Variants in SPEN observed in about 807,000 individuals in gnomAD.
SPEN encodes the protein msx2-interacting protein.
In SPEN, 18 loss-of-function variants were observed where a neutral mutation model predicts 269.9. That is an observed-to-expected ratio of 0.07 (90% CI 0.05 to 0.10). The LOEUF (loss-of-function observed/expected upper bound fraction) is 0.10, where lower values mean the gene tolerates loss of function less well. SPEN is among the 10% of genes least tolerant of loss of function. The pLI is 1.00. For synonymous variants in SPEN, 1,726 were observed against 1,765.7 expected, an observed-to-expected ratio of 0.98 and a Z score of 0.56; for missense variants, 3,822 against 4,631.2, an observed-to-expected ratio of 0.83 and a Z score of 5.07.
chr1:15,852,429 A>C (rs1266137467), intron 1 of SPEN, among the ~76,000 whole-genome samples: 1 of 152,210 alleles, frequency 6.6e-6, no homozygotes, highest in East Asian at 1.9e-4. Context: ...AATTACACAG[A>C]ATAATTATAA....
At chr1:15,923,741 C>T (rs952308888) in intron 10 of SPEN, among the ~76,000 whole-genome samples, 3 of 150,952 alleles carry the variant, frequency 2.0e-5, no homozygotes, top group Non-Finnish European at 4.4e-5. Flanking sequence ...GCGATATTGG[C>T]TTACTGCAAC....
chr1:15,905,915 T>A (rs767986606), intron 3 of SPEN, among the ~76,000 whole-genome samples: 1 of 152,204 alleles, frequency 6.6e-6, no homozygotes, highest in Non-Finnish European at 1.5e-5. Flanking sequence ...CTTTTGCTCG[T>A]GATTGTTTAC....
Position 15,934,886 on chromosome 1 carries a change from C to T in SPEN, c.8646C>T (p.Thr2882=). ...QAPAGYANVA[T]HSTLVLTAQT... ...CTGCAGGCTATGCGAACGTGGCCAC[C>T]CATTCCACGTTGGTACTGACCGCCC... Residue 2882 remains threonine, a synonymous_variant, in exon 11 of 15, where the codon ACC becomes ACT. Coordinates refer to ENST00000375759, the MANE Select transcript of SPEN (RefSeq NM_015001.3). The surrounding 1 kb of genome is among the most constrained non-coding windows in gnomAD (Gnocchi z 9.2). 1 of 1,614,170 alleles carries T rather than the reference C, an allele frequency of 6.2e-7. No homozygotes were observed. The highest frequency in any genetic ancestry group is 1.1e-5 in the South Asian group (1 of 91,088).
Position 15,933,269 on chromosome 1 carries a change from C to A in SPEN, c.7029C>A (p.Asn2343Lys), listed in dbSNP as rs771705365. The change falls in exon 11 of 15, where the codon AAC becomes AAA. Residue 2343 changes from asparagine (N) to lysine (K), a missense_variant. Asn to Lys is a moderately conservative substitution (Grantham distance 94). Transcript: ENST00000375759. This position sits in a 1 kb window ranked among gnomAD's most constrained non-coding sequence, Gnocchi z 5.7. The stretch of plus-strand genomic sequence containing the variant: ...CAACCCGATCACGCCGCAAGCGAAA[C>A]ACAAACAAGAAAGTGGTGGCTCCTG... ...QKTTRSRRKR[N>K]TNKKVVAPVE... 2.5e-6 allele frequency: 4 copies of A among 1,614,154 alleles called. No individual in the cohort carries two copies. The South Asian group carries it at 4.4e-5, about 18-fold the overall frequency.
intron 1 of SPEN, among the ~76,000 whole-genome samples, chr1:15,852,491 T>C (rs1293998189): frequency 6.6e-6 from 1 of 152,020 alleles, no homozygotes; most frequent in African/African-American, 2.4e-5. Context: ...TACAAAATAA[T>C]AAAAAATAAT....
chr1:15,930,493 G>A lies in SPEN; in HGVS notation c.4253G>A (p.Arg1418Gln), dbSNP rs938826668. 5 of 1,614,192 alleles carry A rather than the reference G, an allele frequency of 3.1e-6. No individual in the cohort carries two copies. Among genetic ancestry groups the A allele is most frequent in the Non-Finnish European group, 4.2e-6 (5 of 1,180,038 alleles). ...GACAGAGAAGACAAGCTACGTGAGC[G>A]AGATGAAAGACTCTCTAGTTCTTTA... ...LRDREDKLRE[R>Q]DERLSSSLER... The change falls in exon 11 of 15, where the codon CGA (arginine) becomes CAA (glutamine). Residue 1418 changes from arginine (R) to glutamine (Q), a missense_variant. Transcript: ENST00000375759. The surrounding 1 kb of genome is among the most constrained non-coding windows in gnomAD (Gnocchi z 5.3).
chr1:15,929,471 C>A lies in SPEN; in HGVS notation c.3231C>A (p.Gly1077=). The change falls in exon 11 of 15, where the codon GGC becomes GGA. Residue 1077 remains glycine (G), a synonymous_variant. Coordinates refer to ENST00000375759, the MANE Select transcript of SPEN (RefSeq NM_015001.3). The surrounding 1 kb of genome is among the most constrained non-coding windows in gnomAD (Gnocchi z 5.8). ...QELASISVGS[G]SRPSSDLQAR... is the part of the protein sequence containing the mutation. ...TTGCCAGTATTTCTGTTGGGTCTGG[C>A]TCAAGGCCCAGCTCAGACCTACAAG... is the stretch of plus-strand genomic sequence containing the variant. 1.9e-6 allele frequency: 3 copies of A among 1,613,458 alleles called. 1 individual carries two copies. In the South Asian group the frequency reaches 3.3e-5, roughly 18 times the overall value.
rs1201396166 is a variant in SPEN, at chr1:15,937,549, G to A, written c.10413G>A (p.Leu3471=). The change falls in exon 12 of 15, where the codon CTG becomes CTA. Residue 3471 remains leucine, a synonymous_variant. Transcript: ENST00000375759. This position sits in a 1 kb window ranked among gnomAD's most constrained non-coding sequence, Gnocchi z 5.7. ...CTGGCCCCAGCACCCCACCAGGACT[G>A]GTTCTGCCACACACTGAATTCCAGC... The part of the protein sequence containing the change: ...TTSGPSTPPG[L]VLPHTEFQPA... 5 of 1,614,082 alleles carry A rather than the reference G, an allele frequency of 3.1e-6. No homozygotes were observed. In the Admixed American group the frequency reaches 6.7e-5, roughly 22 times the overall value.
rs1298638213 is a variant in SPEN, at chr1:15,873,054, A to C, written c.322A>C (p.Arg108=). The C allele has an allele frequency of 4.3e-6, 7 of 1,614,184 alleles. No homozygotes were observed. Among genetic ancestry groups the C allele is most frequent in the Non-Finnish European group, 5.9e-6 (7 of 1,180,020 alleles). Residue 108 remains arginine, a synonymous_variant, in exon 2 of 15, where the codon AGA becomes CGA. Coordinates refer to ENST00000375759, the MANE Select transcript of SPEN (RefSeq NM_015001.3). ...ASRSREVSGF[R]GGGGGPAYGP... ...TCGTAGTAGAGAGGTTTCTGGGTTC[A>C]GAGGAGGTGGTGGAGGGCCTGCTTA...
At chr1:15,915,945 T>A (rs567969617) in intron 5 of SPEN, among the ~76,000 whole-genome samples, 183 bp from the exon 6 acceptor site, 1 of 152,358 alleles carries the variant, frequency 6.6e-6, no homozygotes, top group Non-Finnish European at 1.5e-5. Context: ...TGTATTCCTT[T>A]TTTGCTTTAG....
Position 15,928,608 on chromosome 1 carries a change from A to G in SPEN, c.2368A>G (p.Lys790Glu). ...TTTGGAGCGCTATACAAAAAATGAA[A>G]AGACAGATAAAGAACGAACTTTTGA... is the stretch of plus-strand genomic sequence containing the variant. ...SRLERYTKNE[K>E]TDKERTFDPE... Residue 790 changes from lysine (K) to glutamate (E), a missense_variant, in exon 11 of 15, where the codon AAG becomes GAG. Physicochemically the swap from Lys to Glu is moderately conservative, Grantham distance 56 (BLOSUM62 1). Transcript: ENST00000375759. This position sits in a 1 kb window ranked among gnomAD's most constrained non-coding sequence, Gnocchi z 5.7. 1.9e-6 allele frequency: 3 copies of G among 1,614,172 alleles called. No individual in the cohort carries two copies. Among genetic ancestry groups the G allele is most frequent in the Non-Finnish European group, 2.5e-6 (3 of 1,180,042 alleles).
chr1:15,853,650 T>C (rs1230698765), intron 1 of SPEN, among the ~76,000 whole-genome samples: 1 of 149,590 alleles, frequency 6.7e-6, no homozygotes, highest in Admixed American at 6.6e-5. Flanking sequence ...CACACCACCA[T>C]GTCTGGCTAA....
At position 15,933,397 on chromosome 1, in the gene SPEN, A is replaced by G. The variant is rs2071242340; in HGVS notation, c.7157A>G (p.Gln2386Arg). Reference protein sequence around the residue: ...QHPEAPQEEKQSEKPHSTPPQ... With the variant: ...QHPEAPQEEKRSEKPHSTPPQ... Reference sequence around the variant, plus strand: ...CCCGAAGCCCCACAGGAAGAAAAGCAGAGTGAGAAACCCCATTCCACTCCT... The same window carrying G: ...CCCGAAGCCCCACAGGAAGAAAAGCGGAGTGAGAAACCCCATTCCACTCCT... Residue 2386 changes from glutamine to arginine, a missense_variant, in exon 11 of 15, where the codon CAG (glutamine) becomes CGG (arginine). Coordinates refer to ENST00000375759, the MANE Select transcript of SPEN (RefSeq NM_015001.3). The surrounding 1 kb of genome is among the most constrained non-coding windows in gnomAD (Gnocchi z 5.7). 2.5e-6 allele frequency: 4 copies of G among 1,614,192 alleles called. No individual in the cohort carries two copies. The highest frequency in any genetic ancestry group is 3.4e-6 in the Non-Finnish European group (4 of 1,180,030).
chr1:15,883,141 A>G (rs1407420483), intron 3 of SPEN, among the ~76,000 whole-genome samples: 3 of 152,216 alleles, frequency 2.0e-5, no homozygotes, highest in Admixed American at 6.5e-5. Flanking sequence ...TTTTCATTAT[A>G]TAGTTGTTAC....
At position 15,919,469 on chromosome 1, in the gene SPEN, A is replaced by C. The variant is rs1218196775; in HGVS notation, c.1587A>C (p.Ser529=). 6.2e-7 allele frequency: 1 copy of C among 1,608,344 alleles called. No homozygotes were observed. Among genetic ancestry groups the C allele is most frequent in the Non-Finnish European group, 8.5e-7 (1 of 1,179,284 alleles). ...VWLDGLSSNV[S]DQYLTRHFCR... is the part of the protein sequence containing the mutation. ...TAGATGGGCTTTCTTCGAATGTGTC[A>C]GATCAGTATTTAACACGACATTTCT... The change falls in exon 8 of 15, where the codon TCA becomes TCC. Residue 529 remains serine, a synonymous_variant. Coordinates refer to ENST00000375759, the MANE Select transcript of SPEN (RefSeq NM_015001.3).
intron 1 of SPEN, among the ~76,000 whole-genome samples, chr1:15,849,206 GAC>G (rs1487826505): frequency 6.6e-6 from 1 of 152,196 alleles, no homozygotes; most frequent in Non-Finnish European, 1.5e-5. Context: ...CCTCGAAAAT[GAC>G]AGTTTATTCC....
chr1:15,886,255 C>T (rs957112667), intron 3 of SPEN, among the ~76,000 whole-genome samples: 4 of 152,086 alleles, frequency 2.6e-5, no homozygotes, highest in African/African-American at 7.2e-5. Context: ...TTAGGATGCT[C>T]GACTGCAGAG....
chr1:15,934,461 G>C lies in SPEN; in HGVS notation c.8221G>C (p.Val2741Leu), dbSNP rs559925121. Reference sequence around the variant, plus strand: ...GAATGCCACAGCAAGTGCAGTGACCGTCACAGCGGGTGCGGTTACTGCTGC... The same window carrying C: ...GAATGCCACAGCAAGTGCAGTGACCCTCACAGCGGGTGCGGTTACTGCTGC... Reference protein sequence around the residue: ...AVNATASAVTVTAGAVTAASG... With the variant: ...AVNATASAVTLTAGAVTAASG... The change falls in exon 11 of 15, where the codon GTC becomes CTC. Residue 2741 changes from valine to leucine, a missense_variant. Coordinates refer to ENST00000375759, the MANE Select transcript of SPEN (RefSeq NM_015001.3). This position sits in a 1 kb window ranked among gnomAD's most constrained non-coding sequence, Gnocchi z 9.2. 2 of 1,614,046 alleles carry C rather than the reference G, an allele frequency of 1.2e-6. No individual in the cohort carries two copies.
chr1:15,930,672 A>G lies in SPEN; in HGVS notation c.4432A>G (p.Lys1478Glu). 1 of 1,614,180 alleles carries G rather than the reference A, an allele frequency of 6.2e-7. No individual in the cohort carries two copies. Among genetic ancestry groups the G allele is most frequent in the Admixed American group, 1.7e-5 (1 of 60,020 alleles). The change falls in exon 11 of 15, where the codon AAA becomes GAA. Residue 1478 changes from lysine to glutamate, a missense_variant. This residue lies in a region of SPEN where 267 missense variants were observed against 315.5 expected (regional missense o/e 0.85). Coordinates refer to ENST00000375759, the MANE Select transcript of SPEN (RefSeq NM_015001.3). This position sits in a 1 kb window ranked among gnomAD's most constrained non-coding sequence, Gnocchi z 5.3. ...CCGATTTGCAAATTTTCGAAACAAC[A>G]AAGATAAAGAAAAGGTTGACTCTGC... ...DSRFANFRNN[K>E]DKEKVDSAPR...
Sources: allele counts gnomAD v4.1 joint callset (sites outside exome capture counted in the v4.1 genomes callset), GRCh38; gene constraint gnomAD v4.1.1; regional missense constraint gnomAD v4.1.1; non-coding constraint Gnocchi (gnomAD v3.1); transcripts MANE v1.5; gene names NCBI Gene and HGNC (gene_info 2026-07-23, HGNC 2026-07-21).